Variants in AKNA observed in about 807,000 individuals in gnomAD.
AKNA encodes the protein AT-hook transcription factor.
In AKNA, 67 loss-of-function variants were observed where a neutral mutation model predicts 138.8. The observed-to-expected ratio is 0.48, with a 90% CI of 0.40 to 0.59. The LOEUF (loss-of-function observed/expected upper bound fraction) is 0.59, where lower values mean the gene tolerates loss of function less well. Among genes scored for constraint, AKNA ranks in the 20% least tolerant of loss-of-function variants. AKNA has a pLI of 0.00. For synonymous variants in AKNA, 737 were observed against 754.4 expected, an observed-to-expected ratio of 0.98 and a Z score of 0.38; for missense variants, 1,813 against 1,880.4, an observed-to-expected ratio of 0.96 and a Z score of 0.66.
At chr9:114,395,655 A>G (rs1042145012), upstream of AKNA, among the ~76,000 whole-genome samples, 1 of 150,132 alleles carries the variant, frequency 6.7e-6, no homozygotes, top group Non-Finnish European at 1.5e-5. Context: ...TGGCTCTGCC[A>G]AAAAGCCCCC....
chr9:114,332,241 C>T (rs1258451517), downstream of AKNA, among the ~76,000 whole-genome samples: 3 of 151,980 alleles, frequency 2.0e-5, no homozygotes, highest in African/African-American at 2.4e-5. Context: ...CACCTACAGA[C>T]GCGTCCCAAA....
chr9:114,357,922 T>A lies in AKNA; in HGVS notation c.2738A>T (p.Glu913Val), dbSNP rs1831619497. ...PLHRGGGPHL[E>V]ETWMASPETD... ...CCATTCCCCCATGTGGAGACTTACC[T>A]CCAGGTGGGGCCCACCGCCTCGGTG... Residue 913 changes from glutamate (E) to valine (V), a missense_variant and splice_region_variant, in exon 12 of 22, where the codon GAG becomes GTG. Glu to Val is a moderately radical substitution (Grantham distance 121, BLOSUM62 -2). Transcript: ENST00000374088. 6.3e-7 allele frequency: 1 copy of A among 1,596,484 alleles called. No individual in the cohort carries two copies. Among genetic ancestry groups the A allele is most frequent in the African/African-American group, 1.4e-5 (1 of 73,460 alleles).
At chr9:114,389,608 G>A (rs558796934), upstream of AKNA, among the ~76,000 whole-genome samples, 1 of 152,316 alleles carries the variant, frequency 6.6e-6, no homozygotes, top group South Asian at 2.1e-4. Flanking sequence ...TGCCTACCAA[G>A]GGTAGAGCGG....
chr9:114,387,464 A>G (rs1052209553), intron 1 of AKNA, among the ~76,000 whole-genome samples: 2 of 152,072 alleles, frequency 1.3e-5, no homozygotes, highest in East Asian at 1.9e-4. Context: ...CACTCCTTCA[A>G]TAGGGACCAC....
chr9:114,361,950 G>C, intron 8 of AKNA, 39 bp from the exon 9 acceptor site: 1 of 1,592,424 alleles, frequency 6.3e-7, no homozygotes. Flanking sequence ...GCCCAAGATG[G>C]CAGCTACATC....
Position 114,347,765 on chromosome 9 carries a change from C to T in AKNA, c.3357G>A (p.Arg1119=), listed in dbSNP as rs2131827214. The stretch of plus-strand genomic sequence containing the variant: ...CCCAGGTGGCTGGGGAGTCTGCTGG[C>T]CGGCCGCGGGTCCGGGCGGGGCGGT... The part of the protein sequence containing the change: ...AFDRPARTRG[R]PADSPATWGS... Residue 1119 remains arginine, a synonymous_variant, in exon 16 of 22, where the codon CGG becomes CGA. Coordinates refer to ENST00000374088, the MANE Select transcript of AKNA (RefSeq NM_001317950.2). 2.6e-6 allele frequency: 4 copies of T among 1,541,872 alleles called. No homozygotes were observed. The highest frequency in any genetic ancestry group is 3.5e-6 in the Non-Finnish European group (4 of 1,142,674).
Position 114,362,534 on chromosome 9 carries a change from C to A in AKNA, c.1789-1G>T. On this transcript the variant is annotated splice_acceptor_variant, in intron 7 of 21. Transcript: ENST00000374088. LOFTEE classifies it high-confidence loss of function. ...GGGCAGCCTTCAGCCGCTGGAAGCCCTGAAACCAGACCAGGCCAGGAAGAC... is the reference window on the plus strand; with the variant it reads ...GGGCAGCCTTCAGCCGCTGGAAGCCATGAAACCAGACCAGGCCAGGAAGAC... 6.2e-7 allele frequency: 1 copy of A among 1,612,660 alleles called. No homozygotes were observed.
At chr9:114,392,765 T>C (rs1473109504), upstream of AKNA, among the ~76,000 whole-genome samples, 1 of 152,206 alleles carries the variant, frequency 6.6e-6, no homozygotes, top group African/African-American at 2.4e-5. Flanking sequence ...GAAGCAGTTT[T>C]CCCAAGTGGA....
intron 21 of AKNA, among the ~76,000 whole-genome samples, chr9:114,340,283 C>T (rs977983520): frequency 2.0e-5 from 3 of 152,200 alleles, no homozygotes; most frequent in Non-Finnish European, 4.4e-5. Flanking sequence ...GACATCCAGT[C>T]CCAATCGACT....
At chr9:114,340,168 G>A (rs1398237410) in intron 21 of AKNA, among the ~76,000 whole-genome samples, 1 of 152,140 alleles carries the variant, frequency 6.6e-6, no homozygotes, top group Non-Finnish European at 1.5e-5. Flanking sequence ...AGAGGACCAG[G>A]GCTGGATGGC....
At chr9:114,380,981 CAAAAAAAAAAAA>C (rs34055519) in intron 2 of AKNA, 67 bp downstream of exon 2, 6 of 1,110,522 alleles carry the variant, frequency 5.4e-6, no homozygotes, top group Admixed American at 5.1e-5. Flanking sequence ...GACTCTGTCT[CAAAAAAAAAAAA>C]AAAAAAAAGA....
intron 21 of AKNA, among the ~76,000 whole-genome samples, chr9:114,338,766 C>A (rs912060183): frequency 1.3e-5 from 2 of 152,168 alleles, no homozygotes; most frequent in Non-Finnish European, 2.9e-5. Flanking sequence ...CAGCTTAGAG[C>A]TGATGGAAAA....
chr9:114,371,933 C>G (rs180678913), intron 4 of AKNA, among the ~76,000 whole-genome samples: 1 of 152,230 alleles, frequency 6.6e-6, no homozygotes, highest in African/African-American at 2.4e-5. Context: ...CACAGAGGTC[C>G]AGATGGAGTG....
rs765511624 is a variant in AKNA, at chr9:114,341,600, C to A, written c.4000G>T (p.Ala1334Ser). 6.2e-7 allele frequency: 1 copy of A among 1,613,896 alleles called. No individual in the cohort carries two copies. The highest frequency in any genetic ancestry group is 8.5e-7 in the Non-Finnish European group (1 of 1,179,936). ...GLWYLATAPP[A>S]PAPPAFAYIS... ...TAGGCAAAGGCTGGAGGGGCTGGTG[C>A]TGGGGGCGCTGTTGCCAGATACCAC... The change falls in exon 21 of 22, where the codon GCA becomes TCA. Residue 1334 changes from alanine to serine, a missense_variant. Ala to Ser is a moderately conservative substitution (Grantham distance 99). Transcript: ENST00000374088.
At chr9:114,338,210 C>A (rs1048002196) in intron 21 of AKNA, among the ~76,000 whole-genome samples, 1 of 152,224 alleles carries the variant, frequency 6.6e-6, no homozygotes, top group African/African-American at 2.4e-5. Flanking sequence ...GTCTAACTTG[C>A]ATTGTTATAC....
At chr9:114,346,611 G>A (rs1276832570) in intron 17 of AKNA, 58 bp downstream of exon 17, 7 of 1,396,818 alleles carry the variant, frequency 5.0e-6, no homozygotes, top group Non-Finnish European at 6.9e-6. Context: ...CCTGACCACT[G>A]AGCCAACATG....
At position 114,337,303 on chromosome 9, in the gene AKNA, G is replaced by A; in HGVS notation, c.4071C>T (p.Tyr1357=). The A allele has an allele frequency of 6.8e-7, 1 of 1,471,176 alleles. No individual in the cohort carries two copies. Among genetic ancestry groups the A allele is most frequent in the Non-Finnish European group, 9.1e-7 (1 of 1,100,074 alleles). The allele number at this position is 1,471,176 out of a possible 1,614,324, so 91.1% of individuals were successfully genotyped here. A position where few individuals can be genotyped will look rare whatever the true frequency, so the allele number is the denominator to read the frequency against. ...PIMPYPPAAV[Y]YAPAGPTSAQ... ...CTGAGGTAGGTCCTGCAGGCGCATA[G>A]TACCTGAGGAGAGAAGTGAGTGGGC... Residue 1357 remains tyrosine (Y), a synonymous_variant, in exon 22 of 22, where the codon TAC becomes TAT. Coordinates refer to ENST00000374088, the MANE Select transcript of AKNA (RefSeq NM_001317950.2).
In AKNA at chr9:114,341,644, G is replaced by A. The variant is rs748202221; in HGVS notation, c.3956C>T (p.Pro1319Leu). ...ATACCACAGTCCGGGGGGTGGGCGT[G>A]GCGACGACCCCGCCTGCTTGCTCCT... Reference protein sequence around the residue: ...KQRSKQAGSSPRPPPGLWYLA... With the variant: ...KQRSKQAGSSLRPPPGLWYLA... The change falls in exon 21 of 22, where the codon CCA becomes CTA. Residue 1319 changes from proline (P) to leucine (L), a missense_variant. Coordinates refer to ENST00000374088, the MANE Select transcript of AKNA (RefSeq NM_001317950.2). 3.1e-6 allele frequency: 5 copies of A among 1,610,328 alleles called. No individual in the cohort carries two copies.
intron 4 of AKNA, 114 bp downstream of exon 4, chr9:114,373,979 T>A: frequency 4.9e-6 from 5 of 1,019,664 alleles, no homozygotes; most frequent in Non-Finnish European, 6.9e-6. Flanking sequence ...GGCGTTCCAC[T>A]ATCTCCAGGG....
Sources: allele counts gnomAD v4.1 joint callset (sites outside exome capture counted in the v4.1 genomes callset), GRCh38; gene constraint gnomAD v4.1.1; transcripts MANE v1.5; gene names NCBI Gene and HGNC (gene_info 2026-07-23, HGNC 2026-07-21).